Variants in ARB2A observed in about 807,000 individuals in gnomAD.
ARB2A encodes cotranscriptional regulator ARB2A.
At chr5:94,041,594 T>C in the ARB2A span, among the ~76,000 whole-genome samples, 2 of 152,256 alleles carry the variant, frequency 1.3e-5, no homozygotes, top group Admixed American at 1.3e-4. Flanking sequence ...ATTTAGTTCA[T>C]GTGACTTAAG....
chr5:93,990,620 TA>T, the ARB2A span, among the ~76,000 whole-genome samples: 1,128 of 75,192 alleles, frequency 0.015, 4 homozygotes, highest in Admixed American at 0.022. Context: ...CTACCATGAG[TA>T]AAAAAAAAAA....
At chr5:93,829,871 G>A in the ARB2A span, among the ~76,000 whole-genome samples, 1 of 152,298 alleles carries the variant, frequency 6.6e-6, no homozygotes, top group Non-Finnish European at 1.5e-5. Flanking sequence ...GAATGAAGTT[G>A]TGACTAAGAA....
chr5:94,025,937 T>C, the ARB2A span, among the ~76,000 whole-genome samples: 1 of 152,106 alleles, frequency 6.6e-6, no homozygotes, highest in African/African-American at 2.4e-5. Context: ...ACCTTGGCCA[T>C]GTGAGTGAGC....
chr5:93,634,637 T>G, the ARB2A span, among the ~76,000 whole-genome samples: 1 of 152,206 alleles, frequency 6.6e-6, no homozygotes, highest in Non-Finnish European at 1.5e-5. Flanking sequence ...AGAGTTTTAG[T>G]GCTAGCACTG....
At chr5:94,108,253 C>T in the ARB2A span, among the ~76,000 whole-genome samples, 12 of 152,156 alleles carry the variant, frequency 7.9e-5, no homozygotes, top group East Asian at 2.1e-3. Flanking sequence ...ATTTAATATA[C>T]TCCTTTTCTT....
At chr5:93,698,561 G>A in the ARB2A span, among the ~76,000 whole-genome samples, 5 of 152,064 alleles carry the variant, frequency 3.3e-5, no homozygotes, top group Non-Finnish European at 7.4e-5. Context: ...TGAGGGGTGA[G>A]CCTGTGGTTA....
At chr5:93,998,542 T>C in the ARB2A span, among the ~76,000 whole-genome samples, 1 of 151,980 alleles carries the variant, frequency 6.6e-6, no homozygotes, top group African/African-American at 2.4e-5. Flanking sequence ...ATAAAGATTA[T>C]TTTTCCTGGA....
the ARB2A span, chr5:93,682,787 AGAAAT>A: frequency 1.0e-6 from 1 of 963,428 alleles, no homozygotes; most frequent in Non-Finnish European, 1.7e-6. Context: ...AACTGTTAAC[AGAAAT>A]GAAATAAGAC....
chr5:93,990,842 T>G, the ARB2A span, among the ~76,000 whole-genome samples: 1 of 151,986 alleles, frequency 6.6e-6, no homozygotes, highest in Non-Finnish European at 1.5e-5. Context: ...ATAAGCCCCA[T>G]AAACATGCTG....
At chr5:94,090,426 T>C in the ARB2A span, among the ~76,000 whole-genome samples, 2 of 152,224 alleles carry the variant, frequency 1.3e-5, no homozygotes, top group African/African-American at 2.4e-5. Flanking sequence ...GATTTTGGGA[T>C]GAGATGATGG....
At chr5:93,874,474 G>A in the ARB2A span, among the ~76,000 whole-genome samples, 1 of 152,110 alleles carries the variant, frequency 6.6e-6, no homozygotes, top group Non-Finnish European at 1.5e-5. Flanking sequence ...TGGGAGGGTG[G>A]CATGCTGACA....
At chr5:94,094,608 A>G in the ARB2A span, among the ~76,000 whole-genome samples, 1 of 152,216 alleles carries the variant, frequency 6.6e-6, no homozygotes, top group African/African-American at 2.4e-5. Context: ...TAGAAGATGC[A>G]TTACTTCAAC....
chr5:93,960,218 T>C, the ARB2A span, among the ~76,000 whole-genome samples: 7 of 151,910 alleles, frequency 4.6e-5, no homozygotes, highest in African/African-American at 7.3e-5. Context: ...CAGTAAGAGA[T>C]GGCTTAGGCA....
chr5:94,076,978 C>T, the ARB2A span, among the ~76,000 whole-genome samples: 3 of 152,064 alleles, frequency 2.0e-5, no homozygotes, highest in African/African-American at 4.8e-5. Flanking sequence ...TTCAATGATT[C>T]ACTTTCAAGA....
the ARB2A span, among the ~76,000 whole-genome samples, chr5:94,096,960 T>C: frequency 2.6e-5 from 4 of 152,220 alleles, no homozygotes; most frequent in East Asian, 7.7e-4. Flanking sequence ...GAATGCTAGC[T>C]ACAGGAGACT....
At chr5:94,038,069 T>C in the ARB2A span, among the ~76,000 whole-genome samples, 1 of 151,570 alleles carries the variant, frequency 6.6e-6, no homozygotes, top group East Asian at 1.9e-4. Context: ...CTTAAAGAGG[T>C]TTTCAAGATA....
chr5:94,017,282 AGTT>A, the ARB2A span, among the ~76,000 whole-genome samples: 7 of 152,204 alleles, frequency 4.6e-5, no homozygotes, highest in Non-Finnish European at 8.8e-5. Context: ...CTTAGATAGT[AGTT>A]GTTTGTCTTT....
chr5:93,756,631 G>A, the ARB2A span, among the ~76,000 whole-genome samples: 2 of 152,112 alleles, frequency 1.3e-5, no homozygotes, highest in Non-Finnish European at 2.9e-5. Context: ...AACAATCACT[G>A]CAGTTTGGCT....
the ARB2A span, among the ~76,000 whole-genome samples, chr5:94,037,712 A>T: frequency 4.6e-5 from 7 of 152,182 alleles, no homozygotes; most frequent in African/African-American, 1.7e-4. Context: ...TGTGAATTTC[A>T]CATTACATAA....
Sources: allele counts gnomAD v4.1 joint callset (sites outside exome capture counted in the v4.1 genomes callset), GRCh38; gene constraint gnomAD v4.1.1; transcripts MANE v1.5; gene names NCBI Gene and HGNC (gene_info 2026-07-23, HGNC 2026-07-21).